Variants in SLC25A44 observed in about 807,000 individuals in gnomAD.
SLC25A44 encodes solute carrier family 25, member 44.
Under a neutral mutation model 29.9 loss-of-function variants are expected in SLC25A44, and 17 were observed. The ratio of observed to expected loss-of-function variants is 0.57; its 90% CI spans 0.39 to 0.85. SLC25A44 has a LOEUF of 0.85. SLC25A44 is among the 40% of genes least tolerant of loss of function. The pLI is 0.00. For synonymous variants in SLC25A44, 140 were observed against 151.8 expected (o/e 0.92, Z 0.57); for missense variants, 302 against 398.4 (o/e 0.76, Z 2.06).
intron 2 of SLC25A44, among the ~76,000 whole-genome samples, chr1:156,202,402 T>C (rs1236279514): frequency 6.6e-6 from 1 of 152,208 alleles, no homozygotes; most frequent in Non-Finnish European, 1.5e-5. Context: ...CTGGCTTCAG[T>C]CTCCCTTCAC....
chr1:156,198,792 T>TGTATCCTTGAACAGACG lies in SLC25A44; in HGVS notation c.-13-1040_-13-1024dup, dbSNP rs1285411781. The stretch of plus-strand genomic sequence containing the variant: ...GTATCCATTCCCCAGAGCGATACTG[T>TGTATCCTTGAACAGACG]GTATCCTTGAACAGACGGTTTCTTG... On this transcript the variant is annotated intron_variant, in intron 1 of 3. Coordinates refer to ENST00000359511, the MANE Select transcript of SLC25A44 (RefSeq NM_014655.4). This position sits in a 1 kb window ranked among gnomAD's most constrained non-coding sequence, Gnocchi z 4.1. 3 of 152,266 alleles carry TGTATCCTTGAACAGACG rather than the reference T, an allele frequency of 2.0e-5. No individual in the cohort carries two copies. The highest frequency in any genetic ancestry group is 7.2e-5 in the African/African-American group (3 of 41,468). The allele number at this position is 152,266 out of a possible 1,614,324, so 9.4% of individuals were successfully genotyped here. A position where few individuals can be genotyped will look rare whatever the true frequency, so the allele number is the denominator to read the frequency against.
chr1:156,199,705 GTCCA>G, intron 1 of SLC25A44, 126 bp from the exon 2 acceptor site: 26 of 712,978 alleles, frequency 3.6e-5, no homozygotes, highest in South Asian at 9.3e-5. Flanking sequence ...ATTGGGTGGA[GTCCA>G]AGCTTTGGGC....
At chr1:156,208,424 G>A (rs902541427) in intron 3 of SLC25A44, among the ~76,000 whole-genome samples, 2 of 152,016 alleles carry the variant, frequency 1.3e-5, no homozygotes, top group Admixed American at 6.6e-5. Flanking sequence ...CCGAGATCAC[G>A]CCACTGCACT....
At chr1:156,203,299 A>T (rs901630942) in intron 2 of SLC25A44, among the ~76,000 whole-genome samples, 1 of 152,164 alleles carries the variant, frequency 6.6e-6, no homozygotes, top group Non-Finnish European at 1.5e-5. Context: ...TGCGAAAAGG[A>T]CTTTATTCTA....
In SLC25A44 at chr1:156,210,392, C is replaced by T. The variant is rs753680813; in HGVS notation, c.906C>T (p.Leu302=). The change falls in exon 4 of 4, where the codon CTC becomes CTT. Residue 302 remains leucine (L), a synonymous_variant. Coordinates refer to ENST00000359511, the MANE Select transcript of SLC25A44 (RefSeq NM_014655.4). ...TGGGCTATGAGAGCCTCAAGAAACT[C>T]AGCCTCCGACCTGAGCTGGTGGACT... ...IVVGYESLKK[L]SLRPELVDSR... is the part of the protein sequence containing the mutation. The T allele has an allele frequency of 1.9e-6, 3 of 1,602,352 alleles. No individual in the cohort carries two copies. Among genetic ancestry groups the T allele is most frequent in the East Asian group, 2.3e-5 (1 of 44,276 alleles).
chr1:156,197,185 G>A (rs1297756471), intron 1 of SLC25A44: 1 of 152,258 alleles, frequency 6.6e-6, no homozygotes, highest in Non-Finnish European at 1.5e-5. Context: ...CTCTGGGGCA[G>A]AAGAGACAGT....
intron 1 of SLC25A44, chr1:156,196,474 C>T (rs955000677): frequency 6.6e-6 from 1 of 152,320 alleles, no homozygotes; most frequent in Non-Finnish European, 1.5e-5. Flanking sequence ...GAAATCGGAT[C>T]CTGTCTTAGG....
rs540909415 is a variant in SLC25A44 at position 156,208,980 on chromosome 1, G to C, written c.753+967G>C. On this transcript the variant is annotated intron_variant, in intron 3 of 3. Transcript: ENST00000359511. ...GGTGGAGAATCAAAGTTGTACAAGA[G>C]AATGAAGTCACTGGGTTATGGTGAG... Among the ~76,000 whole-genome samples the C allele has an allele frequency of 4.6e-5, 7 of 152,324 alleles. No homozygotes were observed. The South Asian group carries it at 1.4e-3, about 32-fold the overall frequency.
At chr1:156,203,764 C>T (rs554331310) in intron 2 of SLC25A44, among the ~76,000 whole-genome samples, 37 of 130,594 alleles carry the variant, frequency 2.8e-4, no homozygotes, top group Non-Finnish European at 4.8e-4. Context: ...AGTGCAGTGG[C>T]GCGATCTCGG....
Position 156,200,164 on chromosome 1 carries a change from A to G in SLC25A44, c.317A>G (p.Gln106Arg), listed in dbSNP as rs1235122700. ...CGGAAGTTTGTAGCTGACTACAGCC[A>G]GAGTAACACAGTCAAATCACTGGTG... ...LTRKFVADYS[Q>R]SNTVKSLVAG... is the part of the protein sequence containing the mutation. The change falls in exon 2 of 4, where the codon CAG (glutamine) becomes CGG (arginine). Residue 106 changes from glutamine (Q) to arginine (R), a missense_variant. Transcript: ENST00000359511. 1 of 1,614,084 alleles carries G rather than the reference A, an allele frequency of 6.2e-7. No homozygotes were observed. The highest frequency in any genetic ancestry group is 1.3e-5 in the African/African-American group (1 of 74,928).
At chr1:156,202,304 T>TA (rs766028106) in intron 2 of SLC25A44, among the ~76,000 whole-genome samples, 1 of 152,216 alleles carries the variant, frequency 6.6e-6, no homozygotes, top group Non-Finnish European at 1.5e-5. Flanking sequence ...GTCCATCACA[T>TA]ACATCTCTAA....
Position 156,212,228 on chromosome 1 carries a change from CTT to C in SLC25A44, c.*1799_*1800del, listed in dbSNP as rs1351452034. 1 of 152,314 alleles carries C rather than the reference CTT, an allele frequency of 6.6e-6. No individual in the cohort carries two copies. The highest frequency in any genetic ancestry group is 1.5e-5 in the Non-Finnish European group (1 of 68,032). The allele number at this position is 152,314 out of a possible 1,614,324, so 9.4% of individuals were successfully genotyped here. A position where few individuals can be genotyped will look rare whatever the true frequency, so the allele number is the denominator to read the frequency against. On this transcript the variant is annotated 3_prime_UTR_variant, in exon 4 of 4. Coordinates refer to ENST00000359511, the MANE Select transcript of SLC25A44 (RefSeq NM_014655.4). ...AGTTCCCCCCACCCTCACCCCATCT[CTT>C]TAAGCTCATCCTAGCAAGACCTCTA... is the stretch of plus-strand genomic sequence containing the variant.
chr1:156,205,876 C>G (rs1266345429), intron 2 of SLC25A44, among the ~76,000 whole-genome samples: 1 of 152,156 alleles, frequency 6.6e-6, no homozygotes, highest in African/African-American at 2.4e-5. Flanking sequence ...ATGGTAGTCA[C>G]TCAATAAATC....
Position 156,199,878 on chromosome 1 carries a change from G to A in SLC25A44, c.31G>A (p.Glu11Lys). The change falls in exon 2 of 4, where the codon GAG becomes AAG. Residue 11 changes from glutamate to lysine, a missense_variant. Glu to Lys is a moderately conservative substitution (Grantham distance 56). Transcript: ENST00000359511. Reference sequence around the variant, plus strand: ...GGACAAACGCAACATCCAGATCATCGAGTGGGAACACCTGGACAAGAAGAA... The same window carrying A: ...GGACAAACGCAACATCCAGATCATCAAGTGGGAACACCTGGACAAGAAGAA... MEDKRNIQIIEWEHLDKKKFY... is the reference protein window; with the variant it reads MEDKRNIQIIKWEHLDKKKFY... 1.9e-6 allele frequency: 3 copies of A among 1,614,036 alleles called. No homozygotes were observed. The highest frequency in any genetic ancestry group is 2.5e-6 in the Non-Finnish European group (3 of 1,179,962).
Position 156,212,102 on chromosome 1 carries a change from C to G in SLC25A44, c.*1671C>G, listed in dbSNP as rs968220643. ...GTCAAGAGAGTCCTCCAGTTTCTAT[C>G]CAGGAATGTTCACATCCAAAGGGTT... is the stretch of plus-strand genomic sequence containing the variant. On this transcript the variant is annotated 3_prime_UTR_variant, in exon 4 of 4. Coordinates refer to ENST00000359511, the MANE Select transcript of SLC25A44 (RefSeq NM_014655.4). 1 of 152,708 alleles carries G rather than the reference C, an allele frequency of 6.5e-6. No homozygotes were observed. The highest frequency in any genetic ancestry group is 1.5e-5 in the Non-Finnish European group (1 of 68,042). 9.5% of individuals were successfully genotyped at this position (152,708 alleles called of 1,614,324 possible). A position where few individuals can be genotyped will look rare whatever the true frequency, so the allele number is the denominator to read the frequency against.
rs149531927 is a variant in SLC25A44, at chr1:156,200,021, C to T, written c.174C>T (p.Phe58=). 1.3e-5 allele frequency: 21 copies of T among 1,614,134 alleles called. No individual in the cohort carries two copies. In the East Asian group the frequency reaches 1.8e-4, roughly 14 times the overall value. Residue 58 remains phenylalanine (F), a synonymous_variant, in exon 2 of 4, where the codon TTC becomes TTT. Coordinates refer to ENST00000359511, the MANE Select transcript of SLC25A44 (RefSeq NM_014655.4). The part of the protein sequence containing the change: ...QKGKSLYHGT[F]DAFIKILRAD... ...GGAAGAGCCTCTACCATGGGACCTT[C>T]GATGCCTTCATCAAGATCCTGCGAG...
chr1:156,200,268 C>A lies in SLC25A44; in HGVS notation c.421C>A (p.Arg141Ser). 1 of 1,614,150 alleles carries A rather than the reference C, an allele frequency of 6.2e-7. No homozygotes were observed. The highest frequency in any genetic ancestry group is 1.6e-4 in the Middle Eastern group (1 of 6,062). ...AGTCTCCCAGCACCTGATGATGCAA[C>A]GCAAGGGTGAGAAAATGGGCCGCTT... Reference protein sequence around the residue: ...DVVSQHLMMQRKGEKMGRFQV... With the variant: ...DVVSQHLMMQSKGEKMGRFQV... The change falls in exon 2 of 4, where the codon CGC becomes AGC. Residue 141 changes from arginine (R) to serine (S), a missense_variant. Coordinates refer to ENST00000359511, the MANE Select transcript of SLC25A44 (RefSeq NM_014655.4).
intron 2 of SLC25A44, among the ~76,000 whole-genome samples, chr1:156,206,694 G>A (rs541071058): frequency 5.3e-5 from 8 of 151,778 alleles, no homozygotes; most frequent in African/African-American, 1.2e-4. Flanking sequence ...CACCATGCCC[G>A]GCTAATTTTT....
intron 3 of SLC25A44, among the ~76,000 whole-genome samples, chr1:156,208,424 G>GCCACTGCACT (rs1657092929): frequency 2.6e-5 from 4 of 152,016 alleles, no homozygotes; most frequent in Non-Finnish European, 5.9e-5. Context: ...CCGAGATCAC[G>GCCACTGCACT]CCACTGCACT....
Sources: gnomAD v4.1 joint callset for allele counts (sites outside exome capture counted in the v4.1 genomes callset) on GRCh38, gnomAD v4.1.1 for gene constraint, Gnocchi (gnomAD v3.1) non-coding constraint, MANE v1.5 for transcripts, NCBI Gene and HGNC (gene_info 2026-07-23, HGNC 2026-07-21) for gene names.